Variants in SNCAIP observed in about 807,000 individuals in gnomAD.
The protein encoded by SNCAIP is synuclein alpha interacting protein.
SNCAIP carries 43 observed loss-of-function variants against 86.7 expected under a neutral mutation model. The ratio of observed to expected loss-of-function variants is 0.50; its 90% CI spans 0.39 to 0.64. SNCAIP has a LOEUF of 0.64. SNCAIP is among the 30% of genes least tolerant of loss of function. The pLI, the probability that SNCAIP is intolerant of heterozygous loss-of-function variation, is 0.00. For missense variants in SNCAIP, 981 were observed against 1,103.1 expected (o/e 0.89, Z 1.57); for synonymous variants, 417 against 427.2 (o/e 0.98, Z 0.29).
chr5:122,390,725 TC>T (rs1769165666), intron 1 of SNCAIP, among the ~76,000 whole-genome samples: 2 of 152,178 alleles, frequency 1.3e-5, no homozygotes. Context: ...CCAGGCTGGC[TC>T]CCCATTTCCC....
chr5:122,325,251 C>G (rs1265476933), intron 1 of SNCAIP, among the ~76,000 whole-genome samples: 1 of 152,130 alleles, frequency 6.6e-6, no homozygotes, highest in African/African-American at 2.4e-5. Flanking sequence ...AGCAGGCTCC[C>G]TTGTTCTCTG....
chr5:122,320,020 C>G (rs1175647107), intron 1 of SNCAIP, among the ~76,000 whole-genome samples: 2 of 152,224 alleles, frequency 1.3e-5, no homozygotes, highest in East Asian at 1.9e-4. Context: ...AAATTTGGAT[C>G]CTCTGTTGGT....
intron 3 of SNCAIP, among the ~76,000 whole-genome samples, chr5:122,411,898 T>C (rs1396740993): frequency 6.6e-6 from 1 of 152,174 alleles, no homozygotes; most frequent in African/African-American, 2.4e-5. Flanking sequence ...CACAGTGATC[T>C]TTTCAAAAAT....
chr5:122,392,568 G>A (rs1400514326), intron 2 of SNCAIP, among the ~76,000 whole-genome samples: 1 of 152,180 alleles, frequency 6.6e-6, no homozygotes, highest in Non-Finnish European at 1.5e-5. Flanking sequence ...AGGATGGAAG[G>A]TGTTGTAGAA....
At chr5:122,391,441 T>A (rs990138922) in intron 2 of SNCAIP, among the ~76,000 whole-genome samples, 10 of 152,178 alleles carry the variant, frequency 6.6e-5, no homozygotes, top group African/African-American at 2.2e-4. Context: ...CCTAATGTGT[T>A]CCAATGTTGT....
At chr5:122,324,599 A>C (rs962871941) in intron 1 of SNCAIP, among the ~76,000 whole-genome samples, 1 of 152,226 alleles carries the variant, frequency 6.6e-6, no homozygotes, top group African/African-American at 2.4e-5. Flanking sequence ...TGCAGCTAAT[A>C]GAGGTTAGGG....
At chr5:122,414,551 G>A (rs1362217546) in intron 3 of SNCAIP, among the ~76,000 whole-genome samples, 1 of 152,106 alleles carries the variant, frequency 6.6e-6, no homozygotes, top group Non-Finnish European at 1.5e-5. Flanking sequence ...TTCTGACTTT[G>A]CTCCCACACA....
chr5:122,386,388 C>T (rs1451004316), intron 1 of SNCAIP, among the ~76,000 whole-genome samples: 1 of 152,158 alleles, frequency 6.6e-6, no homozygotes, highest in Non-Finnish European at 1.5e-5. Flanking sequence ...TGAGGTCACT[C>T]TTGAGAAGGT....
At position 122,463,691 on chromosome 5, in the gene SNCAIP, T is replaced by TATC; in HGVS notation, c.*197_*199dup. 1 of 587,312 alleles carries TATC rather than the reference T, an allele frequency of 1.7e-6. No individual in the cohort carries two copies. The highest frequency in any genetic ancestry group is 3.0e-6 in the Non-Finnish European group (1 of 332,776). 36.4% of individuals were successfully genotyped at this position (587,312 alleles called of 1,614,324 possible). A position where few individuals can be genotyped will look rare whatever the true frequency, so the allele number is the denominator to read the frequency against. Reference sequence around the variant, plus strand: ...ATGCCTCACCAGCAGAAGAACAGAATATCAGGATGCCTTAAATTTATAGTA... The same window carrying TATC: ...ATGCCTCACCAGCAGAAGAACAGAATATCATCAGGATGCCTTAAATTTATAGTA... On this transcript the variant is annotated 3_prime_UTR_variant, in exon 11 of 11. Transcript: ENST00000261368.
chr5:122,450,530 T>C lies in SNCAIP; in HGVS notation c.1686-3T>C. ...TCTCATATGTCCTTCATCTTCTTTT[T>C]AGTTCACCATCCTCACCTGCCTCCA... On this transcript the variant is annotated splice_region_variant and splice_polypyrimidine_tract_variant and intron_variant, in intron 9 of 10. Coordinates refer to ENST00000261368, the MANE Select transcript of SNCAIP (RefSeq NM_005460.4). 6.2e-7 allele frequency: 1 copy of C among 1,608,070 alleles called. No individual in the cohort carries two copies. The highest frequency in any genetic ancestry group is 8.5e-7 in the Non-Finnish European group (1 of 1,174,502).
rs1766412776 is a variant in SNCAIP, at chr5:122,380,288, A to C, written c.-46-10801A>C. Among the ~76,000 whole-genome samples the C allele has an allele frequency of 2.0e-5, 3 of 152,268 alleles. No individual in the cohort carries two copies. In the South Asian group the frequency reaches 6.2e-4, roughly 32 times the overall value. ...TCTTGGGAGAGTGTATGTGTCGAGG[A>C]ATTTATCCATTTCTTCTAGATTTTC... On this transcript the variant is annotated intron_variant, in intron 1 of 10. Transcript: ENST00000261368.
At chr5:122,393,467 A>T (rs1769875123) in intron 2 of SNCAIP, among the ~76,000 whole-genome samples, 1 of 152,124 alleles carries the variant, frequency 6.6e-6, no homozygotes, top group African/African-American at 2.4e-5. Context: ...CAGAGTATTT[A>T]CTTTTAGCCA....
chr5:122,356,977 T>C (rs541402858), intron 1 of SNCAIP, among the ~76,000 whole-genome samples: 19 of 152,274 alleles, frequency 1.2e-4, no homozygotes, highest in African/African-American at 4.6e-4. Context: ...GGCTTCCCTG[T>C]GCATCACAGT....
rs370024899 is a variant in SNCAIP at position 122,336,016 on chromosome 5, T to C, written c.-47+23732T>C. Among the ~76,000 whole-genome samples, 7 of 152,312 alleles carry C rather than the reference T, an allele frequency of 4.6e-5. No homozygotes were observed. In the East Asian group the frequency reaches 1.3e-3, roughly 29 times the overall value. ...TGAAATTTTAAGACAGAAAAGGAAA[T>C]AATCAAGAATAATATCTGCATTTTA... On this transcript the variant is annotated intron_variant, in intron 1 of 10. Coordinates refer to ENST00000261368, the MANE Select transcript of SNCAIP (RefSeq NM_005460.4).
chr5:122,429,457 C>CAAAA (rs368162956), intron 5 of SNCAIP, among the ~76,000 whole-genome samples: 2 of 143,016 alleles, frequency 1.4e-5, no homozygotes, highest in East Asian at 2.1e-4. Flanking sequence ...GTAAACTGAC[C>CAAAA]AAAAAAAAAA....
At chr5:122,366,470 C>T (rs1763219047) in intron 1 of SNCAIP, among the ~76,000 whole-genome samples, 1 of 152,146 alleles carries the variant, frequency 6.6e-6, no homozygotes. Context: ...GCAAAGGAGC[C>T]TAGGAAATAT....
intron 1 of SNCAIP, among the ~76,000 whole-genome samples, chr5:122,329,551 G>T (rs1037809421): frequency 6.6e-6 from 1 of 152,084 alleles, no homozygotes; most frequent in African/African-American, 2.4e-5. Context: ...GGTATTGAAT[G>T]GACAGATAGA....
At chr5:122,394,486 T>C (rs1316956961) in intron 2 of SNCAIP, among the ~76,000 whole-genome samples, 1 of 152,236 alleles carries the variant, frequency 6.6e-6, no homozygotes, top group East Asian at 1.9e-4. Flanking sequence ...CTTGTAATCC[T>C]GCCATCTAAA....
At chr5:122,453,007 T>A in intron 10 of SNCAIP, 1 of 1,521,888 alleles carries the variant, frequency 6.6e-7, no homozygotes, top group Non-Finnish European at 8.9e-7. Context: ...TACGTGGTGC[T>A]AGGAGATATG....
Sources: allele counts gnomAD v4.1 joint callset (sites outside exome capture counted in the v4.1 genomes callset), GRCh38; gene constraint gnomAD v4.1.1; transcripts MANE v1.5; gene names NCBI Gene and HGNC (gene_info 2026-07-23, HGNC 2026-07-21).